Variants in PPM1A observed in about 807,000 individuals in gnomAD.
The protein encoded by PPM1A is protein phosphatase 1A.
PPM1A carries 7 observed loss-of-function variants against 35.0 expected under a neutral mutation model. The observed-to-expected ratio is 0.20, with a 90% confidence interval of 0.11 to 0.38. The LOEUF is 0.38. Among genes scored for constraint, PPM1A ranks in the 10% least tolerant of loss-of-function variants. PPM1A has a pLI of 1.00. For missense variants in PPM1A, 239 were observed against 467.8 expected (o/e 0.51, Z 4.51); for synonymous variants, 153 against 167.3 (o/e 0.91, Z 0.66).
chr14:60,262,418 T>A (rs79826897), intron 1 of PPM1A, among the ~76,000 whole-genome samples: 11,452 of 152,234 alleles, frequency 0.075, 722 homozygotes, highest in African/African-American at 0.18. Flanking sequence ...GCATAGTGGC[T>A]CAAGCCTGTA....
Position 60,285,755 on chromosome 14 carries a change from C to T in PPM1A, c.952+14C>T. ...GCAGAGTAGAAGGTGGATCATTTAA[C>T]AAAAAATAAGTAGCTTTATTAAAGA... On this transcript the variant is annotated intron_variant, in intron 3 of 5. Transcript: ENST00000395076. The T allele has an allele frequency of 6.2e-7, 1 of 1,600,554 alleles. No individual in the cohort carries two copies. Among genetic ancestry groups the T allele is most frequent in the African/African-American group, 1.4e-5 (1 of 74,038 alleles).
At chr14:60,261,075 C>A (rs1883696608) in intron 1 of PPM1A, among the ~76,000 whole-genome samples, 1 of 152,164 alleles carries the variant, frequency 6.6e-6, no homozygotes, top group Admixed American at 6.5e-5. Flanking sequence ...CTCAGACTTG[C>A]ATGAGTTTAC....
chr14:60,252,561 A>G (rs1490600089), intron 1 of PPM1A, among the ~76,000 whole-genome samples: 1 of 152,206 alleles, frequency 6.6e-6, no homozygotes, highest in Admixed American at 6.5e-5. Flanking sequence ...CAACTGGGTA[A>G]AAGTTGTGTC....
At position 60,283,534 on chromosome 14, in the gene PPM1A, T is replaced by C; in HGVS notation, c.831T>C (p.Tyr277=). The C allele has an allele frequency of 1.1e-5, 18 of 1,601,502 alleles. No individual in the cohort carries two copies. The highest frequency in any genetic ancestry group is 1.5e-5 in the Non-Finnish European group (18 of 1,176,182). ...VCNEVVDTCL[Y]KGSRDNMSVI... ...ATGAAGTAGTCGACACCTGTTTGTATAAGGTAGCTAGACTTTTTTTAAAAA... is the reference window on the plus strand; with the variant it reads ...ATGAAGTAGTCGACACCTGTTTGTACAAGGTAGCTAGACTTTTTTTAAAAA... The change falls in exon 2 of 6, where the codon TAT becomes TAC. Residue 277 remains tyrosine (Y), a synonymous_variant. Transcript: ENST00000395076. This position sits in a 1 kb window ranked among gnomAD's most constrained non-coding sequence, Gnocchi z 6.3.
At chr14:60,246,167 G>A, upstream of PPM1A, 1 of 977,054 alleles carries the variant, frequency 1.0e-6, no homozygotes. Flanking sequence ...GCCTCCTGAG[G>A]GGGTCATTTA....
At position 60,249,285 on chromosome 14, in the gene PPM1A, T is replaced by C. The variant is rs948357566; in HGVS notation, c.-413T>C. ...AGCGCGCGCGGGAGCTAGAGAGCAG[T>C]GGTCTCGGCGCTCGTCCGGCCCGCA... On this transcript the variant is annotated 5_prime_UTR_variant, in exon 1 of 6. Transcript: ENST00000395076. This position sits in a 1 kb window ranked among gnomAD's most constrained non-coding sequence, Gnocchi z 4.5. 5 of 963,450 alleles carry C rather than the reference T, an allele frequency of 5.2e-6. No individual in the cohort carries two copies. In the African/African-American group the frequency reaches 9.9e-5, roughly 19 times the overall value. 59.7% of individuals were successfully genotyped at this position (963,450 alleles called of 1,614,324 possible). A position where few individuals can be genotyped will look rare whatever the true frequency, so the allele number is the denominator to read the frequency against.
chr14:60,245,795 G>T (rs1219263079), upstream of PPM1A: 35 of 1,478,080 alleles, frequency 2.4e-5, no homozygotes, highest in Non-Finnish European at 3.2e-5. The surrounding 1 kb of genome is among the most constrained non-coding windows in gnomAD (Gnocchi z 4.2). Context: ...GGCCAGGGTA[G>T]GGGGCACACC....
At position 60,249,579 on chromosome 14, in the gene PPM1A, C is replaced by T. The variant is rs528924735; in HGVS notation, c.-119C>T. ...GCCCGCCGCTGCAGCGGTGACCCCTCCCCCGGCTGCCGCCGTCGCCGCCGC... is the reference window on the plus strand; with the variant it reads ...GCCCGCCGCTGCAGCGGTGACCCCTTCCCCGGCTGCCGCCGTCGCCGCCGC... On this transcript the variant is annotated 5_prime_UTR_variant, in exon 1 of 6. Coordinates refer to ENST00000395076, the MANE Select transcript of PPM1A (RefSeq NM_021003.5). This position sits in a 1 kb window ranked among gnomAD's most constrained non-coding sequence, Gnocchi z 4.5. 2.2e-5 allele frequency: 22 copies of T among 986,742 alleles called. No individual in the cohort carries two copies. The highest frequency in any genetic ancestry group is 2.6e-5 in the Non-Finnish European group (22 of 831,086). 61.1% of individuals were successfully genotyped at this position (986,742 alleles called of 1,614,324 possible).
intron 1 of PPM1A, among the ~76,000 whole-genome samples, chr14:60,267,951 G>A (rs1884589227): frequency 6.6e-6 from 1 of 151,986 alleles, no homozygotes; most frequent in African/African-American, 2.4e-5. Flanking sequence ...TTAAATGTGT[G>A]TCCCCTAAGA....
At position 60,289,026 on chromosome 14, in the gene PPM1A, AT is replaced by A. The variant is rs1170434310; in HGVS notation, c.953-779del. 6.6e-6 allele frequency among the ~76,000 whole-genome samples: 1 copy of A among 152,160 alleles called. No individual in the cohort carries two copies. The highest frequency in any genetic ancestry group is 1.5e-5 in the Non-Finnish European group (1 of 67,954). ...GATGTGAATAATAGTATGCATCTGCATGACAACACTGCAGATCATATTGCTG... is the reference window on the plus strand; with the variant it reads ...GATGTGAATAATAGTATGCATCTGCAGACAACACTGCAGATCATATTGCTG... On this transcript the variant is annotated intron_variant, in intron 3 of 5. Coordinates refer to ENST00000395076, the MANE Select transcript of PPM1A (RefSeq NM_021003.5). This position sits in a 1 kb window ranked among gnomAD's most constrained non-coding sequence, Gnocchi z 4.1.
At chr14:60,285,933 TAAC>T (rs1886959701) in intron 3 of PPM1A, 192 bp downstream of exon 3, 3 of 1,291,882 alleles carry the variant, frequency 2.3e-6, no homozygotes, top group Non-Finnish European at 3.0e-6. Context: ...ATATTAGAAA[TAAC>T]AACTAGTGTG....
At chr14:60,267,829 C>T (rs1555341215) in intron 1 of PPM1A, among the ~76,000 whole-genome samples, 1 of 152,012 alleles carries the variant, frequency 6.6e-6, no homozygotes, top group Non-Finnish European at 1.5e-5. Context: ...TGTGTATGTG[C>T]ATATATGTAT....
At chr14:60,270,265 T>G (rs1196178479) in intron 1 of PPM1A, among the ~76,000 whole-genome samples, 1 of 152,188 alleles carries the variant, frequency 6.6e-6, no homozygotes, top group Non-Finnish European at 1.5e-5. Flanking sequence ...ATATCTTTTT[T>G]TAAAAGCTCT....
In PPM1A at chr14:60,289,582, C is replaced by T. The variant is rs1887404588; in HGVS notation, c.953-224C>T. ...TGATTTAACATGAAATATTTTTTCACATTTTAATTTTGATTTGAAGTTAAT... is the reference window on the plus strand; with the variant it reads ...TGATTTAACATGAAATATTTTTTCATATTTTAATTTTGATTTGAAGTTAAT... On this transcript the variant is annotated intron_variant, in intron 3 of 5. Transcript: ENST00000395076. The surrounding 1 kb of genome is among the most constrained non-coding windows in gnomAD (Gnocchi z 4.1). 1.3e-5 allele frequency among the ~76,000 whole-genome samples: 2 copies of T among 151,732 alleles called. No individual in the cohort carries two copies. Among genetic ancestry groups the T allele is most frequent in the Admixed American group, 1.3e-4 (2 of 15,238 alleles).
At chr14:60,251,424 G>T (rs1227847374) in intron 1 of PPM1A, among the ~76,000 whole-genome samples, 2 of 152,018 alleles carry the variant, frequency 1.3e-5, no homozygotes, top group African/African-American at 4.8e-5. Context: ...TACATGAGGG[G>T]CTGAGGTATA....
At chr14:60,264,610 A>G (rs1299023637) in intron 1 of PPM1A, among the ~76,000 whole-genome samples, 1 of 152,152 alleles carries the variant, frequency 6.6e-6, no homozygotes, top group Non-Finnish European at 1.5e-5. Context: ...TACATTGTTG[A>G]TGGGAAGATT....
At chr14:60,262,591 A>T (rs1341210855) in intron 1 of PPM1A, among the ~76,000 whole-genome samples, 1 of 152,176 alleles carries the variant, frequency 6.6e-6, no homozygotes, top group African/African-American at 2.4e-5. Flanking sequence ...GGCTGAGACG[A>T]GAGGATCACC....
chr14:60,283,477 T>G lies in PPM1A; in HGVS notation c.774T>G (p.Leu258=), dbSNP rs780690661. 32 of 1,613,822 alleles carry G rather than the reference T, an allele frequency of 2.0e-5. No individual in the cohort carries two copies. Among genetic ancestry groups the G allele is most frequent in the Non-Finnish European group, 2.7e-5 (32 of 1,180,034 alleles). The part of the protein sequence containing the change: ...EELCDFVRSR[L]EVTDDLEKVC... The stretch of plus-strand genomic sequence containing the variant: ...TCTGTGATTTTGTAAGATCCAGACT[T>G]GAAGTCACTGATGACCTTGAGAAAG... The change falls in exon 2 of 6, where the codon CTT becomes CTG. Residue 258 remains leucine (L), a synonymous_variant. Transcript: ENST00000395076. The surrounding 1 kb of genome is among the most constrained non-coding windows in gnomAD (Gnocchi z 6.3).
chr14:60,252,851 G>C (rs148404105), intron 1 of PPM1A, among the ~76,000 whole-genome samples: 2 of 152,196 alleles, frequency 1.3e-5, no homozygotes, highest in African/African-American at 4.8e-5. Flanking sequence ...TATATTCTTT[G>C]ATGATTTTGA....
Sources: allele counts gnomAD v4.1 joint callset (sites outside exome capture counted in the v4.1 genomes callset), GRCh38; gene constraint gnomAD v4.1.1; non-coding constraint Gnocchi (gnomAD v3.1); transcripts MANE v1.5; gene names NCBI Gene and HGNC (gene_info 2026-07-23, HGNC 2026-07-21).